The following R3HCC1L variants were observed in gnomAD, a reference collection of about 807,000 sequenced individuals.
R3HCC1L encodes the protein coiled-coil domain-containing protein R3HCC1L.
In R3HCC1L, 51 loss-of-function variants were observed where a neutral mutation model predicts 59.9. That is an observed-to-expected ratio of 0.85 (90% CI 0.68 to 1.07). The LOEUF is 1.07. Ranked by LOEUF, R3HCC1L falls within the 50% of genes least tolerant of loss-of-function variation. The pLI, the probability that R3HCC1L is intolerant of heterozygous loss-of-function variation, is 0.00. For missense variants in R3HCC1L, 965 were observed against 933.0 expected (o/e 1.03, Z -0.45); for synonymous variants, 322 against 315.2 (o/e 1.02, Z -0.23).
intron 5 of R3HCC1L, among the ~76,000 whole-genome samples, chr10:98,218,063 ATG>A (rs540219641): frequency 1.7e-3 from 264 of 152,270 alleles, no homozygotes; most frequent in Admixed American, 4.2e-3. Flanking sequence ...AGAGTGGTGA[ATG>A]TGGACATTGT....
At chr10:98,231,460 A>G in intron 5 of R3HCC1L, 52 bp from the exon 6 acceptor site, 1 of 1,504,794 alleles carries the variant, frequency 6.6e-7, no homozygotes, top group Non-Finnish European at 9.1e-7. Flanking sequence ...AATATATTTT[A>G]CAATAACCAG....
At chr10:98,223,160 T>A (rs576894448) in intron 5 of R3HCC1L, among the ~76,000 whole-genome samples, 13 of 152,248 alleles carry the variant, frequency 8.5e-5, no homozygotes, top group Non-Finnish European at 1.6e-4. Context: ...ATCAATAGAA[T>A]AAGAGGGAAT....
At chr10:98,182,901 G>A (rs149218341) in intron 4 of R3HCC1L, among the ~76,000 whole-genome samples, 2 of 152,238 alleles carry the variant, frequency 1.3e-5, no homozygotes, top group East Asian at 1.9e-4. Flanking sequence ...AGAAAAGTGC[G>A]GTATTTGGGT....
At chr10:98,223,752 A>T (rs1355630942) in intron 5 of R3HCC1L, among the ~76,000 whole-genome samples, 1 of 152,008 alleles carries the variant, frequency 6.6e-6, no homozygotes, top group Non-Finnish European at 1.5e-5. Flanking sequence ...CAGTCCTTGG[A>T]CAACAGCAGG....
intron 5 of R3HCC1L, 21 bp downstream of exon 5, chr10:98,209,920 T>C (rs759213823): frequency 1.9e-6 from 3 of 1,565,968 alleles, no homozygotes; most frequent in Non-Finnish European, 2.6e-6. Flanking sequence ...TTGAAATTGC[T>C]TGATGCTTAG....
intron 4 of R3HCC1L, among the ~76,000 whole-genome samples, chr10:98,201,018 G>A (rs1485121775): frequency 6.6e-6 from 1 of 152,136 alleles, no homozygotes; most frequent in Non-Finnish European, 1.5e-5. Flanking sequence ...TCGTAGACCA[G>A]TCTCATTTGA....
intron 5 of R3HCC1L, among the ~76,000 whole-genome samples, chr10:98,216,838 C>A (rs1019252046): frequency 6.6e-6 from 1 of 152,092 alleles, no homozygotes; most frequent in South Asian, 2.1e-4. Context: ...CCTCAGCCCC[C>A]CAAAGTGTTG....
In R3HCC1L at chr10:98,209,643, G is replaced by A. The variant is rs1310334828; in HGVS notation, c.1529G>A (p.Gly510Asp). The A allele has an allele frequency of 1.2e-6, 2 of 1,613,900 alleles. No individual in the cohort carries two copies. The highest frequency in any genetic ancestry group is 2.7e-5 in the African/African-American group (2 of 74,908). Residue 510 changes from glycine (G) to aspartate (D), a missense_variant, in exon 5 of 10, where the codon GGT (glycine) becomes GAT (aspartate). Coordinates refer to ENST00000298999, the MANE Select transcript of R3HCC1L (RefSeq NM_001351015.2). ...LSDSAVGIDL[G>D]STGDTTEALH... ...GACAGTGCCGTGGGCATTGACCTGG[G>A]TAGTACTGGTGATACAACAGAAGCA...
chr10:98,206,598 CATTATT>C (rs72035836), intron 4 of R3HCC1L, among the ~76,000 whole-genome samples: 5 of 151,680 alleles, frequency 3.3e-5, no homozygotes, highest in African/African-American at 7.3e-5. Flanking sequence ...CATTTCTACC[CATTATT>C]ATTATTATTT....
chr10:98,223,428 T>TA (rs1337871053), intron 5 of R3HCC1L, among the ~76,000 whole-genome samples: 1 of 152,042 alleles, frequency 6.6e-6, no homozygotes, highest in African/African-American at 2.4e-5. Context: ...TTGGAGGTGT[T>TA]ATGTTTCCTT....
chr10:98,196,365 A>G (rs1158834308), intron 4 of R3HCC1L, among the ~76,000 whole-genome samples: 2 of 151,952 alleles, frequency 1.3e-5, no homozygotes, highest in East Asian at 1.9e-4. Context: ...GTTAACGACA[A>G]CCCCATCTTG....
intron 4 of R3HCC1L, chr10:98,174,733 T>C: frequency 1.0e-6 from 1 of 984,110 alleles, no homozygotes; most frequent in Non-Finnish European, 1.2e-6. Flanking sequence ...AAATTGTAGA[T>C]TGACACCAAA....
chr10:98,182,200 G>A (rs973869474), intron 4 of R3HCC1L, among the ~76,000 whole-genome samples: 2 of 152,146 alleles, frequency 1.3e-5, no homozygotes, highest in African/African-American at 4.8e-5. Context: ...GGGTTTTGGT[G>A]TGGATTTCCT....
intron 4 of R3HCC1L, among the ~76,000 whole-genome samples, chr10:98,170,473 G>A (rs781255511): frequency 6.6e-5 from 10 of 151,992 alleles, no homozygotes; most frequent in African/African-American, 9.7e-5. Flanking sequence ...ATGTGCTACC[G>A]TTCCCAGCTA....
At chr10:98,211,292 T>G in intron 5 of R3HCC1L, 1 of 1,466,372 alleles carries the variant, frequency 6.8e-7, no homozygotes, top group South Asian at 1.2e-5. Flanking sequence ...AACTGTCTAT[T>G]TACAACTTTT....
At chr10:98,153,416 A>G (rs892483697) in intron 1 of R3HCC1L, among the ~76,000 whole-genome samples, 1 of 152,004 alleles carries the variant, frequency 6.6e-6, no homozygotes, top group Non-Finnish European at 1.5e-5. Flanking sequence ...AAGGCAGCAG[A>G]CTCGTTAAAG....
intron 4 of R3HCC1L, among the ~76,000 whole-genome samples, chr10:98,191,924 A>C (rs1850899496): frequency 6.6e-6 from 1 of 152,144 alleles, no homozygotes; most frequent in Non-Finnish European, 1.5e-5. Flanking sequence ...TCGCGGGTTC[A>C]AGCAATTCTT....
At chr10:98,240,696 G>GCCTTAA (rs1244910152) in intron 9 of R3HCC1L, among the ~76,000 whole-genome samples, 1 of 151,950 alleles carries the variant, frequency 6.6e-6, no homozygotes, top group Non-Finnish European at 1.5e-5. Flanking sequence ...CCATTATTCT[G>GCCTTAA]CCTTAAAGGG....
chr10:98,137,175 T>C (rs1012798270), intron 1 of R3HCC1L, among the ~76,000 whole-genome samples: 3 of 152,138 alleles, frequency 2.0e-5, no homozygotes, highest in Admixed American at 6.5e-5. Flanking sequence ...CACACCACTG[T>C]GCTCCAGCCT....
Sources: allele counts gnomAD v4.1 joint callset (sites outside exome capture counted in the v4.1 genomes callset), GRCh38; gene constraint gnomAD v4.1.1; transcripts MANE v1.5; gene names NCBI Gene and HGNC (gene_info 2026-07-23, HGNC 2026-07-21).